WLS: variants seen among roughly 807,000 people sequenced by gnomAD.
WLS encodes Wnt ligand secretion mediator.
Under a neutral mutation model 62.8 loss-of-function variants are expected in WLS, and 23 were observed. The ratio of observed to expected loss-of-function variants is 0.37; its 90% CI spans 0.26 to 0.52. The LOEUF is 0.52. Among genes scored for constraint, WLS ranks in the 20% least tolerant of loss-of-function variants. The pLI is 0.92. For missense variants in WLS, 615 were observed against 697.3 expected, an observed-to-expected ratio of 0.88 and a Z score of 1.33; for synonymous variants, 246 against 244.1, an observed-to-expected ratio of 1.01 and a Z score of -0.07.
At chr1:68,209,647 G>A (rs1571017987) in intron 1 of WLS, among the ~76,000 whole-genome samples, 1 of 152,286 alleles carries the variant, frequency 6.6e-6, no homozygotes, top group African/African-American at 2.4e-5. Context: ...GGGTGTGGTG[G>A]CGCATGCCTG....
intron 2 of WLS, chr1:68,161,783 C>T (rs937656992): frequency 3.7e-6 from 6 of 1,601,020 alleles, no homozygotes; most frequent in Non-Finnish European, 5.1e-6. Flanking sequence ...TCTCGATTGT[C>T]CCCGTGTTTT....
Position 68,170,026 on chromosome 1 carries a change from T to A in WLS, c.380-10779A>T, listed in dbSNP as rs576528065. ...TGTTGGGAGTCACTAAATGTCTCTA[T>A]CTGTAAGATGAGGATAATGGTAATG... On this transcript the variant is annotated intron_variant, in intron 2 of 11. Transcript: ENST00000262348. 1.8e-3 allele frequency among the ~76,000 whole-genome samples: 268 copies of A among 152,274 alleles called. 1 individual carries two copies. The highest frequency in any genetic ancestry group is 6.1e-3 in the African/African-American group (255 of 41,546).
chr1:68,219,490 C>T (rs1472210018), intron 1 of WLS, among the ~76,000 whole-genome samples: 2 of 152,176 alleles, frequency 1.3e-5, no homozygotes, highest in South Asian at 4.1e-4. Context: ...AAACCCTCCT[C>T]CCATTTAAAT....
chr1:68,162,646 T>C, intron 2 of WLS: 4 of 1,242,994 alleles, frequency 3.2e-6, no homozygotes, highest in South Asian at 1.2e-5. Context: ...CAGCCATGTG[T>C]TCCTCTGGTA....
chr1:68,129,916 T>C (rs1235521458), intron 11 of WLS, among the ~76,000 whole-genome samples: 2 of 152,224 alleles, frequency 1.3e-5, no homozygotes, highest in Non-Finnish European at 2.9e-5. Context: ...TAAATTTCTC[T>C]CCCTGGTTAT....
At position 68,125,867 on chromosome 1, in the gene WLS, C is replaced by A; in HGVS notation, c.*359G>T. On this transcript the variant is annotated 3_prime_UTR_variant, in exon 12 of 12. Transcript: ENST00000262348. ...TAAAACAGGAAAAATGTCAAATATT[C>A]CACTCCCCATTCGGCCCAAACCATC... 1.9e-6 allele frequency: 2 copies of A among 1,035,546 alleles called. No homozygotes were observed. Among genetic ancestry groups the A allele is most frequent in the Non-Finnish European group, 2.3e-6 (2 of 862,156 alleles). 64.1% of individuals were successfully genotyped at this position (1,035,546 alleles called of 1,614,324 possible).
At chr1:68,114,748 C>T (rs1036657961) in intron 11 of WLS, among the ~76,000 whole-genome samples, 1 of 152,178 alleles carries the variant, frequency 6.6e-6, no homozygotes, top group Non-Finnish European at 1.5e-5. Context: ...CAGAAGTGGG[C>T]AAGATTCATA....
chr1:68,129,021 A>G (rs1231452843), intron 11 of WLS, among the ~76,000 whole-genome samples: 1 of 150,308 alleles, frequency 6.7e-6, no homozygotes, highest in Admixed American at 6.6e-5. Context: ...ACACAGCATT[A>G]CAGCTAAAAA....
chr1:68,170,761 T>C (rs913596947), intron 2 of WLS, among the ~76,000 whole-genome samples: 3 of 152,038 alleles, frequency 2.0e-5, no homozygotes, highest in African/African-American at 7.2e-5. Flanking sequence ...ATGACACTTA[T>C]GACACTTATT....
intron 10 of WLS, among the ~76,000 whole-genome samples, chr1:68,140,713 CAA>C (rs1282531661): frequency 6.6e-6 from 1 of 152,106 alleles, no homozygotes; most frequent in Non-Finnish European, 1.5e-5. Context: ...CTGCTGTGGG[CAA>C]AGAGTTGAAC....
At chr1:68,128,722 T>G (rs1646471919) in intron 11 of WLS, among the ~76,000 whole-genome samples, 1 of 152,356 alleles carries the variant, frequency 6.6e-6, no homozygotes, top group Non-Finnish European at 1.5e-5. Flanking sequence ...GTCATAATGC[T>G]TAACACGTGC....
intron 2 of WLS, among the ~76,000 whole-genome samples, chr1:68,176,063 G>T (rs528990849): frequency 6.6e-6 from 1 of 152,296 alleles, no homozygotes; most frequent in East Asian, 1.9e-4. Context: ...ATGAGGAGGG[G>T]ATACAAATGA....
intron 11 of WLS, among the ~76,000 whole-genome samples, chr1:68,104,128 G>A (rs1570791086): frequency 1.3e-5 from 2 of 152,120 alleles, no homozygotes; most frequent in African/African-American, 2.4e-5. Flanking sequence ...ATTCCTTGAT[G>A]TAGTGTTTGA....
At chr1:68,129,632 TC>T (rs1280992997) in intron 11 of WLS, among the ~76,000 whole-genome samples, 1 of 152,152 alleles carries the variant, frequency 6.6e-6, no homozygotes, top group Non-Finnish European at 1.5e-5. Context: ...GGCCAACTGT[TC>T]CCCCTTGGGG....
chr1:68,165,127 A>G (rs566171116), intron 2 of WLS, among the ~76,000 whole-genome samples: 1 of 152,290 alleles, frequency 6.6e-6, no homozygotes, highest in African/African-American at 2.4e-5. Flanking sequence ...GGGTGCTTGG[A>G]GAAACACAAG....
intron 3 of WLS, among the ~76,000 whole-genome samples, chr1:68,158,816 G>A (rs1016602292): frequency 2.6e-5 from 4 of 152,116 alleles, no homozygotes; most frequent in Non-Finnish European, 4.4e-5. Flanking sequence ...AGGTCACACC[G>A]TCAGTGATAA....
At position 68,126,326 on chromosome 1, in the gene WLS, C is replaced by T. The variant is rs2100378101; in HGVS notation, c.1526G>A (p.Gly509Asp). The change falls in exon 12 of 12, where the codon GGT becomes GAT. Residue 509 changes from glycine (G) to aspartate (D), a missense_variant. Physicochemically the swap from Gly to Asp is moderately conservative, Grantham distance 94. Coordinates refer to ENST00000262348, the MANE Select transcript of WLS (RefSeq NM_024911.7). Reference sequence around the variant, plus strand: ...CTGGAGTTCTTCCCCACTATGGACACCCAGATCGCCTGAAACAGGGTTTTC... The same window carrying T: ...CTGGAGTTCTTCCCCACTATGGACATCCAGATCGCCTGAAACAGGGTTTTC... ...YGEDQSNGDL[G>D]VHSGEELQLT... 1 of 1,614,038 alleles carries T rather than the reference C, an allele frequency of 6.2e-7. No homozygotes were observed. Among genetic ancestry groups the T allele is most frequent in the Non-Finnish European group, 8.5e-7 (1 of 1,180,014 alleles).
At chr1:68,110,692 C>CTCTCTCTCTCTCTCT (rs1646216637) in intron 11 of WLS, among the ~76,000 whole-genome samples, 10 of 138,370 alleles carry the variant, frequency 7.2e-5, no homozygotes, top group African/African-American at 2.9e-4. Context: ...TCTCTCTCTC[C>CTCTCTCTCTCTCTCT]ATATATATAT....
chr1:68,209,515 G>A (rs182635104), intron 1 of WLS, among the ~76,000 whole-genome samples: 122 of 152,224 alleles, frequency 8.0e-4, no homozygotes, highest in African/African-American at 2.7e-3. Context: ...ACGTTGGCTC[G>A]TGCCTGTAAT....
Sources: gnomAD v4.1 joint callset for allele counts (sites outside exome capture counted in the v4.1 genomes callset) on GRCh38, gnomAD v4.1.1 for gene constraint, MANE v1.5 for transcripts, NCBI Gene and HGNC (gene_info 2026-07-23, HGNC 2026-07-21) for gene names.